The following ANAPC1 variants were observed in gnomAD, a reference collection of about 807,000 sequenced individuals.
ANAPC1 encodes the protein anaphase-promoting complex subunit 1.
ANAPC1 carries 36 observed loss-of-function variants against 208.0 expected under a neutral mutation model. The ratio of observed to expected loss-of-function variants is 0.17; its 90% CI spans 0.13 to 0.23. The LOEUF is 0.23. ANAPC1 is among the 10% of genes least tolerant of loss of function. ANAPC1 has a pLI of 1.00. For synonymous variants in ANAPC1, 378 were observed against 695.2 expected, an observed-to-expected ratio of 0.54 and a Z score of 7.18; for missense variants, 942 against 2,011.6, an observed-to-expected ratio of 0.47 and a Z score of 10.17.
chr2:111,867,945 T>TA (rs1316413200), intron 7 of ANAPC1, 78 bp downstream of exon 7: 18 of 871,440 alleles, frequency 2.1e-5, no homozygotes, highest in Admixed American at 2.7e-5. Context: ...TCAGTTTTCA[T>TA]ATAAGCGCCT....
intron 3 of ANAPC1, among the ~76,000 whole-genome samples, chr2:111,875,418 CCT>C (rs1682970178): frequency 6.6e-6 from 1 of 152,158 alleles, no homozygotes. Flanking sequence ...GAAATCCCAT[CCT>C]CTCAGCCTCT....
chr2:111,835,014 T>C (rs1247022872), intron 18 of ANAPC1, 142 bp from the exon 19 acceptor site: 13 of 1,040,034 alleles, frequency 1.2e-5, no homozygotes, highest in Non-Finnish European at 1.6e-5. Context: ...AAAAAGACAA[T>C]GCTAAGAATG....
chr2:111,851,584 A>T (rs945356044), intron 13 of ANAPC1, among the ~76,000 whole-genome samples: 2 of 151,826 alleles, frequency 1.3e-5, no homozygotes, highest in Admixed American at 1.3e-4. Context: ...AGGCGGGCGG[A>T]TCACAAGGTC....
At chr2:111,787,425 C>T (rs1490255149) in intron 39 of ANAPC1, among the ~76,000 whole-genome samples, 2 of 150,732 alleles carry the variant, frequency 1.3e-5, no homozygotes, top group Non-Finnish European at 3.0e-5. Flanking sequence ...TTTCTTCTGT[C>T]GTTGGTTATA....
At position 111,867,959 on chromosome 2, in the gene ANAPC1, T is replaced by C; in HGVS notation, c.685+64A>G. The C allele has an allele frequency of 1.2e-5, 13 of 1,093,730 alleles. No individual in the cohort carries two copies. In the South Asian group the frequency reaches 1.5e-4, roughly 13 times the overall value. The allele number at this position is 1,093,730 out of a possible 1,614,324, so 67.8% of individuals were successfully genotyped here. On this transcript the variant is annotated intron_variant, in intron 7 of 47. Transcript: ENST00000341068. ...GTCAGTTTTCATATAAGCGCCTTTA[T>C]AACCTCCCTCACCAAAGTCAAAAAA...
chr2:111,776,269 A>T lies in ANAPC1; in HGVS notation c.5584+590T>A, dbSNP rs1294625196. 4.6e-5 allele frequency among the ~76,000 whole-genome samples: 7 copies of T among 151,846 alleles called. No individual in the cohort carries two copies. The East Asian group carries it at 1.4e-3, about 29-fold the overall frequency. ...TCAGGTGTATTTAACACACAGATAC[A>T]TTTCCATAAATCTAAAGGCCCCATC... On this transcript the variant is annotated intron_variant, in intron 46 of 47. Coordinates refer to ENST00000341068, the MANE Select transcript of ANAPC1 (RefSeq NM_022662.4).
At chr2:111,858,737 G>A (rs1380956691) in intron 10 of ANAPC1, among the ~76,000 whole-genome samples, 2 of 149,518 alleles carry the variant, frequency 1.3e-5, no homozygotes, top group African/African-American at 4.9e-5. Context: ...ACTCCAGCCT[G>A]GGCGACAGAG....
chr2:111,820,404 C>T (rs200172600), intron 26 of ANAPC1, among the ~76,000 whole-genome samples: 49,618 of 148,656 alleles, frequency 0.33, 6,116 homozygotes, highest in South Asian at 0.41. Context: ...CTCTAGAGGC[C>T]ATGCTCATAA....
At chr2:111,771,055 A>C (rs1676711271) in intron 47 of ANAPC1, 1 of 152,822 alleles carries the variant, frequency 6.5e-6, no homozygotes, top group Non-Finnish European at 1.5e-5. Flanking sequence ...AGATCACCTT[A>C]GTTCTGCTCT....
chr2:111,823,829 G>C (rs1679678231), intron 24 of ANAPC1, among the ~76,000 whole-genome samples: 2 of 151,292 alleles, frequency 1.3e-5, no homozygotes, highest in African/African-American at 4.8e-5. Context: ...TGTGTGACAG[G>C]AGGGGACCAT....
In ANAPC1 at chr2:111,790,730, C is replaced by T. The variant is rs1410245205; in HGVS notation, c.4712+1632G>A. ...TTAATAATTGTGTCATCAAAAGACA[C>T]CACTGAGAGAGAGTGAAAAGGCAAA... is the stretch of plus-strand genomic sequence containing the variant. On this transcript the variant is annotated intron_variant, in intron 38 of 47. Coordinates refer to ENST00000341068, the MANE Select transcript of ANAPC1 (RefSeq NM_022662.4). Among the ~76,000 whole-genome samples, 4 of 151,864 alleles carry T rather than the reference C, an allele frequency of 2.6e-5. No individual in the cohort carries two copies. In the East Asian group the frequency reaches 7.7e-4, roughly 29 times the overall value.
chr2:111,869,032 G>A (rs1031573876), intron 6 of ANAPC1, among the ~76,000 whole-genome samples: 8 of 152,120 alleles, frequency 5.3e-5, no homozygotes, highest in South Asian at 2.1e-4. Flanking sequence ...AGATAAACAC[G>A]CCGCTAGTAA....
intron 24 of ANAPC1, among the ~76,000 whole-genome samples, chr2:111,823,103 G>A (rs1354340794): frequency 4.4e-5 from 6 of 136,290 alleles, no homozygotes; most frequent in South Asian, 2.4e-4. Flanking sequence ...TCCTCCTCCC[G>A]GGTTCACGCC....
intron 46 of ANAPC1, among the ~76,000 whole-genome samples, chr2:111,775,560 T>C (rs988508189): frequency 6.6e-6 from 1 of 152,236 alleles, no homozygotes; most frequent in Non-Finnish European, 1.5e-5. Context: ...AATAAACACA[T>C]TTTTGATAAA....
chr2:111,819,976 C>T (rs2104425300), intron 26 of ANAPC1, among the ~76,000 whole-genome samples: 1 of 152,278 alleles, frequency 6.6e-6, no homozygotes, highest in South Asian at 2.1e-4. Context: ...GGAAATCTTA[C>T]ACATAATTCA....
At chr2:111,877,058 T>C (rs7605448) in intron 3 of ANAPC1, among the ~76,000 whole-genome samples, 101,111 of 149,768 alleles carry the variant, frequency 0.68, 34,419 homozygotes, top group African/African-American at 0.73. Flanking sequence ...TGCTGACTGT[T>C]TAAAAATAAA....
At chr2:111,873,051 C>T in intron 5 of ANAPC1, 1 of 459,964 alleles carries the variant, frequency 2.2e-6, no homozygotes, top group South Asian at 3.6e-5. Context: ...TTAATATAAC[C>T]AAAAGTTCTT....
At chr2:111,865,059 A>G (rs1336865181) in intron 7 of ANAPC1, 108 bp from the exon 8 acceptor site, 18 of 1,162,164 alleles carry the variant, frequency 1.5e-5, no homozygotes, top group Non-Finnish European at 2.0e-5. Flanking sequence ...ACCAAGCCAA[A>G]GAGAGCACAA....
At chr2:111,772,009 A>T (rs1037996710) in intron 47 of ANAPC1, among the ~76,000 whole-genome samples, 1 of 148,576 alleles carries the variant, frequency 6.7e-6, no homozygotes, top group African/African-American at 2.5e-5. Flanking sequence ...ATGTGATTCT[A>T]AAAAACCCAA....
Sources: gnomAD v4.1 joint callset for allele counts (sites outside exome capture counted in the v4.1 genomes callset) on GRCh38, gnomAD v4.1.1 for gene constraint, MANE v1.5 for transcripts, NCBI Gene and HGNC (gene_info 2026-07-23, HGNC 2026-07-21) for gene names.